ANKEF1: variants seen among roughly 807,000 people sequenced by gnomAD.
The protein encoded by ANKEF1 is ankyrin repeat and EF-hand domain containing 1, also known as ankyrin repeat and EF-hand domain-containing protein 1.
In ANKEF1, 43 loss-of-function variants were observed where a neutral mutation model predicts 65.1. That is an observed-to-expected ratio of 0.66 (90% CI 0.52 to 0.85). The LOEUF (loss-of-function observed/expected upper bound fraction) is 0.85, where lower values mean the gene tolerates loss of function less well. Among genes scored for constraint, ANKEF1 ranks in the 40% least tolerant of loss-of-function variants. The pLI is 0.00. For synonymous variants in ANKEF1, 316 were observed against 341.5 expected (o/e 0.93, Z 0.82); for missense variants, 934 against 952.9 (o/e 0.98, Z 0.26).
intron 7 of ANKEF1, among the ~76,000 whole-genome samples, chr20:10,051,452 C>T (rs1159769540): frequency 6.6e-6 from 1 of 151,866 alleles, no homozygotes; most frequent in Non-Finnish European, 1.5e-5. Context: ...AATCGTAATC[C>T]CTAGAATCTA....
intron 10 of ANKEF1, 50 bp downstream of exon 10, chr20:10,054,649 A>T: frequency 1.9e-6 from 3 of 1,549,000 alleles, no homozygotes; most frequent in Non-Finnish European, 2.6e-6. Flanking sequence ...TCATAATGTC[A>T]TTTTTTCAAA....
rs1489740080 is a variant in ANKEF1, at chr20:10,038,333, T to TA, written c.33dup (p.Gln12ThrfsTer27). 1.3e-6 allele frequency: 2 copies of TA among 1,580,658 alleles called. No individual in the cohort carries two copies. The highest frequency in any genetic ancestry group is 1.2e-5 in the South Asian group (1 of 85,926). ...TTAGCAGATAAGAGACTTGAGAACT[T>TA]ACAGATCTACAAAGTTCTTCAATGT... On this transcript the variant is annotated frameshift_variant, in exon 3 of 11. Transcript: ENST00000378392. LOFTEE classifies it high-confidence loss of function.
At position 10,051,902 on chromosome 20, in the gene ANKEF1, A is replaced by G. The variant is rs760878829; in HGVS notation, c.1870+13A>G. The G allele has an allele frequency of 2.6e-6, 4 of 1,563,154 alleles. No homozygotes were observed. Among genetic ancestry groups the G allele is most frequent in the Non-Finnish European group, 2.6e-6 (3 of 1,143,874 alleles). On this transcript the variant is annotated intron_variant, in intron 8 of 10. Transcript: ENST00000378392. ...GAAAATAGAAAAGGTATGCGTTCAT[A>G]TTATTGATGATTAGGGTTAGAAAAG...
chr20:10,037,810 TAC>T (rs1293843865), intron 2 of ANKEF1, among the ~76,000 whole-genome samples: 1 of 152,248 alleles, frequency 6.6e-6, no homozygotes, highest in African/African-American at 2.4e-5. Flanking sequence ...TCTGATATGT[TAC>T]AGAGCCCAGT....
chr20:10,051,914 T>C (rs752191907), intron 8 of ANKEF1, 25 bp downstream of exon 8: 2 of 1,541,824 alleles, frequency 1.3e-6, no homozygotes, highest in Non-Finnish European at 1.8e-6. Context: ...TATTGATGAT[T>C]AGGGTTAGAA....
At chr20:10,044,686 ATAAT>A (rs984311759) in intron 5 of ANKEF1, 143 bp downstream of exon 5, 18 of 624,980 alleles carry the variant, frequency 2.9e-5, no homozygotes, top group Non-Finnish European at 4.2e-5. Context: ...ATTTCCCCAA[ATAAT>A]TCTAAAATTA....
At chr20:10,040,825 A>G (rs554880883) in intron 3 of ANKEF1, among the ~76,000 whole-genome samples, 1 of 152,218 alleles carries the variant, frequency 6.6e-6, no homozygotes, top group African/African-American at 2.4e-5. Context: ...GGCCTTTTGT[A>G]ATGAATTCAG....
intron 3 of ANKEF1, among the ~76,000 whole-genome samples, chr20:10,042,825 A>G (rs1984269118): frequency 6.6e-6 from 1 of 151,506 alleles, no homozygotes; most frequent in Non-Finnish European, 1.5e-5. Flanking sequence ...AGGGACACTC[A>G]GGGTACGTAT....
In ANKEF1 at chr20:10,038,439, T is replaced by C. The variant is rs1260242819; in HGVS notation, c.138T>C (p.Ile46=). ...AACTAATCAATTATACAGAACCCAT[T>C]AATGGACTTAGTGCTTTGCACTTAG... ...YPELINYTEP[I]NGLSALHLAS... The change falls in exon 3 of 11, where the codon ATT becomes ATC. Residue 46 remains isoleucine (I), a synonymous_variant. Transcript: ENST00000378392. 1 of 1,614,036 alleles carries C rather than the reference T, an allele frequency of 6.2e-7. No individual in the cohort carries two copies. Among genetic ancestry groups the C allele is most frequent in the African/African-American group, 1.3e-5 (1 of 74,920 alleles).
chr20:10,055,431 G>A, intron 10 of ANKEF1, 71 bp from the exon 11 acceptor site: 7 of 1,366,800 alleles, frequency 5.1e-6, no homozygotes, highest in Non-Finnish European at 6.1e-6. Flanking sequence ...ATTGAAAATT[G>A]TCTGGATATT....
chr20:10,055,886 T>G lies in ANKEF1; in HGVS notation c.*226T>G. On this transcript the variant is annotated 3_prime_UTR_variant, in exon 11 of 11. Transcript: ENST00000378392. ...TTCTGGATAAATCCCCAAGCCCCTT[T>G]ATGAATGTAGTGAAATACATGGCAT... 3.9e-6 allele frequency: 2 copies of G among 507,786 alleles called. No homozygotes were observed. The highest frequency in any genetic ancestry group is 6.7e-5 in the East Asian group (2 of 30,060). 31.5% of individuals were successfully genotyped at this position (507,786 alleles called of 1,614,324 possible).
intron 6 of ANKEF1, among the ~76,000 whole-genome samples, chr20:10,047,283 A>G (rs1201006681): frequency 5.9e-5 from 9 of 152,228 alleles, no homozygotes; most frequent in South Asian, 2.1e-4. Context: ...TCATGAGACT[A>G]TTTTAAAGCA....
In ANKEF1 at chr20:10,055,670, G is replaced by A. The variant is rs540950293; in HGVS notation, c.*10G>A. 1.2e-6 allele frequency: 2 copies of A among 1,613,360 alleles called. No individual in the cohort carries two copies. The highest frequency in any genetic ancestry group is 2.2e-5 in the East Asian group (1 of 44,868). ...TGCCTTGAAGACCTAAGTCATAGCA[G>A]TTATTTCTTGGGGTAAATGCTTTGA... On this transcript the variant is annotated 3_prime_UTR_variant, in exon 11 of 11. Transcript: ENST00000378392.
In ANKEF1 at chr20:10,053,272, A is replaced by T; in HGVS notation, c.2031A>T (p.Glu677Asp). 1 of 1,587,610 alleles carries T rather than the reference A, an allele frequency of 6.3e-7. No individual in the cohort carries two copies. Among genetic ancestry groups the T allele is most frequent in the Non-Finnish European group, 8.5e-7 (1 of 1,172,990 alleles). Residue 677 changes from glutamate (E) to aspartate (D), a missense_variant, in exon 9 of 11, where the codon GAA becomes GAT. Physicochemically the swap from Glu to Asp is conservative, Grantham distance 45. Coordinates refer to ENST00000378392, the MANE Select transcript of ANKEF1 (RefSeq NM_022096.6). Reference protein sequence around the residue: ...LKTEGPEIKKEEELLSSIYGV... With the variant: ...LKTEGPEIKKDEELLSSIYGV... ...CTGAAGGCCCTGAAATTAAGAAAGA[A>T]GAGGTAAGAAAAATGGTTGACTACC...
intron 2 of ANKEF1, among the ~76,000 whole-genome samples, chr20:10,037,798 T>C (rs1221044094): frequency 6.6e-6 from 1 of 152,238 alleles, no homozygotes; most frequent in Non-Finnish European, 1.5e-5. Flanking sequence ...ACTCATCACA[T>C]CTCTGATATG....
rs186921087 is a variant in ANKEF1 at position 10,049,536 on chromosome 20, C to G, written c.967C>G (p.Pro323Ala). The change falls in exon 7 of 11, where the codon CCA becomes GCA. Residue 323 changes from proline to alanine, a missense_variant. Pro to Ala is a conservative substitution (Grantham distance 27). Transcript: ENST00000378392. ...LARPGAKNPNPLWALRLHDWS... is the reference protein window; with the variant it reads ...LARPGAKNPNALWALRLHDWS... ...CAGGCCAGGAGCCAAAAATCCAAATCCACTGTGGGCCCTTAGACTGCACGA... is the reference window on the plus strand; with the variant it reads ...CAGGCCAGGAGCCAAAAATCCAAATGCACTGTGGGCCCTTAGACTGCACGA... 245 of 1,614,088 alleles carry G rather than the reference C, an allele frequency of 1.5e-4. No individual in the cohort carries two copies. The highest frequency in any genetic ancestry group is 5.8e-4 in the Admixed American group (35 of 60,004).
chr20:10,050,587 T>C (rs954548609), intron 7 of ANKEF1, among the ~76,000 whole-genome samples: 2 of 144,788 alleles, frequency 1.4e-5, no homozygotes, highest in Non-Finnish European at 3.1e-5. Context: ...CTATAGATCT[T>C]ATATGGGAAA....
Position 10,038,241 on chromosome 20 carries a change from C to CT in ANKEF1, c.-44-11dup, listed in dbSNP as rs949807745. 7.0e-6 allele frequency: 8 copies of CT among 1,141,314 alleles called. No homozygotes were observed. The highest frequency in any genetic ancestry group is 9.4e-6 in the Non-Finnish European group (8 of 847,008). 70.7% of individuals were successfully genotyped at this position (1,141,314 alleles called of 1,614,324 possible). A position where few individuals can be genotyped will look rare whatever the true frequency, so the allele number is the denominator to read the frequency against. ...ATAAAATTAACTTTGAGTTATTTTT[C>CT]TTTTTTGTTGCTTCAGCTTTAGTTT... is the stretch of plus-strand genomic sequence containing the variant. On this transcript the variant is annotated splice_polypyrimidine_tract_variant and intron_variant, in intron 2 of 10. Coordinates refer to ENST00000378392, the MANE Select transcript of ANKEF1 (RefSeq NM_022096.6).
intron 5 of ANKEF1, among the ~76,000 whole-genome samples, 178 bp downstream of exon 5, chr20:10,044,721 C>A (rs919994869): frequency 1.3e-5 from 2 of 152,062 alleles, no homozygotes; most frequent in African/African-American, 2.4e-5. Context: ...AACTTCATCT[C>A]TTTATTTAGT....
Sources: allele counts gnomAD v4.1 joint callset (sites outside exome capture counted in the v4.1 genomes callset), GRCh38; gene constraint gnomAD v4.1.1; transcripts MANE v1.5; gene names NCBI Gene and HGNC (gene_info 2026-07-23, HGNC 2026-07-21).